Variants in CYBC1 observed in about 807,000 individuals in gnomAD.
The protein encoded by CYBC1 is essential for reactive oxygen species protein.
Under a neutral mutation model 21.7 loss-of-function variants are expected in CYBC1, and 22 were observed. That is an observed-to-expected ratio of 1.02 (90% CI 0.73 to 1.45). The LOEUF (loss-of-function observed/expected upper bound fraction) is 1.45. CYBC1 is among the 40% of genes most tolerant of loss of function. CYBC1 has a pLI of 0.00. For missense variants in CYBC1, 237 were observed against 242.1 expected (o/e 0.98, Z 0.14); for synonymous variants, 112 against 98.7 (o/e 1.13, Z -0.80).
chr17:82,447,746 A>C, intron 2 of CYBC1, 125 bp from the exon 3 acceptor site: 1 of 844,746 alleles, frequency 1.2e-6, no homozygotes, highest in Non-Finnish European at 1.9e-6. Context: ...AGCTGTGGTC[A>C]GGGGTTACAG....
intron 3 of CYBC1, 34 bp downstream of exon 3, chr17:82,447,546 C>G: frequency 1.3e-6 from 2 of 1,497,642 alleles, no homozygotes; most frequent in East Asian, 2.3e-5. Flanking sequence ...ACAGCTGAGA[C>G]AGTCATGGGG....
Position 82,443,805 on chromosome 17 carries a change from G to A in CYBC1, c.*199C>T, listed in dbSNP as rs760479168. On this transcript the variant is annotated 3_prime_UTR_variant, in exon 7 of 7. Coordinates refer to ENST00000306645, the MANE Select transcript of CYBC1 (RefSeq NM_001033046.4). The surrounding 1 kb of genome is among the most constrained non-coding windows in gnomAD (Gnocchi z 6.7). ...GGCGGTGCACGGGCTCAGGCACACC[G>A]GGAATGTGCCACGGGTCCTGTGGGC... 10 of 797,232 alleles carry A rather than the reference G, an allele frequency of 1.3e-5. No homozygotes were observed. The highest frequency in any genetic ancestry group is 2.4e-5 in the East Asian group (1 of 41,242). The allele number at this position is 797,232 out of a possible 1,614,324, so 49.4% of individuals were successfully genotyped here.
chr17:82,449,646 T>TG (rs2054480954), intron 1 of CYBC1: 1 of 197,846 alleles, frequency 5.1e-6, no homozygotes, highest in Non-Finnish European at 1.0e-5. Context: ...TTCTAGCATC[T>TG]GTGGGCACCC....
intron 1 of CYBC1, chr17:82,449,873 C>G (rs1013362532): frequency 1.3e-5 from 2 of 152,422 alleles, no homozygotes; most frequent in Non-Finnish European, 2.9e-5. Context: ...GAGTTCCGCA[C>G]GGGCGCAGCA....
intron 5 of CYBC1, chr17:82,445,662 G>A: frequency 1.9e-6 from 1 of 536,718 alleles, no homozygotes; most frequent in South Asian, 2.0e-5. Context: ...GAGGCTCTAG[G>A]ACCCTGCTGA....
chr17:82,443,563 T>A lies in CYBC1; in HGVS notation c.*441A>T. On this transcript the variant is annotated 3_prime_UTR_variant, in exon 7 of 7. Transcript: ENST00000306645. The surrounding 1 kb of genome is among the most constrained non-coding windows in gnomAD (Gnocchi z 6.7). ...CACAAGGGCCCGGCCTGGCCCCGCC[T>A]CTCCACTCGCCCGAGGTCTTGCTGT... 13 of 694,706 alleles carry A rather than the reference T, an allele frequency of 1.9e-5. No individual in the cohort carries two copies. Among genetic ancestry groups the A allele is most frequent in the African/African-American group, 3.5e-5 (2 of 57,054 alleles). The allele number at this position is 694,706 out of a possible 1,614,324, so 43.0% of individuals were successfully genotyped here. A position where few individuals can be genotyped will look rare whatever the true frequency, so the allele number is the denominator to read the frequency against.
chr17:82,444,821 TG>T, intron 5 of CYBC1: 1 of 543,462 alleles, frequency 1.8e-6, no homozygotes, highest in South Asian at 2.5e-5. Flanking sequence ...GCGGGTCACA[TG>T]CACAGCCCGC....
chr17:82,446,790 G>A (rs2054320917), intron 3 of CYBC1, 94 bp from the exon 4 acceptor site: 1 of 1,305,940 alleles, frequency 7.7e-7, no homozygotes, highest in African/African-American at 1.5e-5. Flanking sequence ...GCTGGCCAGA[G>A]CCCACGCTTG....
chr17:82,445,899 T>A lies in CYBC1; in HGVS notation c.263A>T (p.Lys88Met), dbSNP rs1567909745. 6.2e-7 allele frequency: 1 copy of A among 1,613,430 alleles called. No homozygotes were observed. The highest frequency in any genetic ancestry group is 1.7e-5 in the Admixed American group (1 of 59,904). The change falls in exon 5 of 7, where the codon AAG becomes ATG. Residue 88 changes from lysine to methionine, a missense_variant. Physicochemically the swap from Lys to Met is moderately conservative, Grantham distance 95 (BLOSUM62 -1). Transcript: ENST00000306645. ...GCCAGCTCTGAAAAGAGTCAGCAGC[T>A]TCTTGTAGAGGCTGAACGTCTTCAA... is the stretch of plus-strand genomic sequence containing the variant. ...VVLKTFSLYK[K>M]LLTLFRAGHD...
rs201461354 is a variant in CYBC1, at chr17:82,446,610, G to C, written c.201+13C>G. ...CAGCCCTGGACTCTGTCCCGCACCC[G>C]AGCCGGCCTTACCTCCCAGTCCTCC... On this transcript the variant is annotated intron_variant, in intron 4 of 6. Transcript: ENST00000306645. 7.0e-5 allele frequency: 113 copies of C among 1,613,760 alleles called. No homozygotes were observed. Among genetic ancestry groups the C allele is most frequent in the African/African-American group, 1.3e-5 (1 of 74,904 alleles).
rs1171741865 is a variant in CYBC1 at position 82,446,062 on chromosome 17, G to A, written c.202-102C>T. 3.4e-6 allele frequency: 3 copies of A among 871,508 alleles called. No homozygotes were observed. In the East Asian group the frequency reaches 7.9e-5, roughly 23 times the overall value. 54.0% of individuals were successfully genotyped at this position (871,508 alleles called of 1,614,324 possible). ...CCTCACCAGGGTGGACACTCAAGAA[G>A]GGGGGCTGGGGACCCTCCCAGTCAG... On this transcript the variant is annotated intron_variant, in intron 4 of 6. Coordinates refer to ENST00000306645, the MANE Select transcript of CYBC1 (RefSeq NM_001033046.4).
At position 82,443,501 on chromosome 17, in the gene CYBC1, G is replaced by C. The variant is rs1377564292; in HGVS notation, c.*503C>G. 1 of 697,134 alleles carries C rather than the reference G, an allele frequency of 1.4e-6. No individual in the cohort carries two copies. The highest frequency in any genetic ancestry group is 1.7e-5 in the African/African-American group (1 of 57,168). The allele number at this position is 697,134 out of a possible 1,614,324, so 43.2% of individuals were successfully genotyped here. A position where few individuals can be genotyped will look rare whatever the true frequency, so the allele number is the denominator to read the frequency against. The stretch of plus-strand genomic sequence containing the variant: ...CCGCTGGGGATGTCCACCAGGGAGA[G>C]GACGCTGTGTCGGGGACAACATGCA... On this transcript the variant is annotated 3_prime_UTR_variant, in exon 7 of 7. Transcript: ENST00000306645. This position sits in a 1 kb window ranked among gnomAD's most constrained non-coding sequence, Gnocchi z 6.7.
chr17:82,444,913 C>A, intron 5 of CYBC1: 1 of 252,910 alleles, frequency 4.0e-6, no homozygotes. Flanking sequence ...CCAGGTCTCC[C>A]CAAGGTTGGC....
chr17:82,444,099 T>C lies in CYBC1; in HGVS notation c.469A>G (p.Ile157Val), dbSNP rs140054862. The change falls in exon 7 of 7, where the codon ATC (isoleucine) becomes GTC (valine). Residue 157 changes from isoleucine (I) to valine (V), a missense_variant. Physicochemically the swap from Ile to Val is conservative, Grantham distance 29. Coordinates refer to ENST00000306645, the MANE Select transcript of CYBC1 (RefSeq NM_001033046.4). ...CAGTGCAGCTCCAGGAAGCTGGTGA[T>C]GAGCTTGGCGATGGCTTCCACATCA... ...RSDVEAIAKL[I>V]TSFLELHCLE... 274 of 1,612,596 alleles carry C rather than the reference T, an allele frequency of 1.7e-4. No individual in the cohort carries two copies. The African/African-American group carries it at 2.1e-3, about 13-fold the overall frequency.
chr17:82,447,031 T>G (rs140685852), intron 3 of CYBC1: 115 of 406,794 alleles, frequency 2.8e-4, no homozygotes, highest in Non-Finnish European at 2.6e-4. Context: ...CCGGGAATAT[T>G]TGATGACCCA....
At chr17:82,447,038 C>T (rs953213811) in intron 3 of CYBC1, 28 of 396,486 alleles carry the variant, frequency 7.1e-5, no homozygotes, top group African/African-American at 3.3e-4. Flanking sequence ...TATTTGATGA[C>T]CCAAAAACAC....
chr17:82,447,743 G>A, intron 2 of CYBC1, 122 bp from the exon 3 acceptor site: 1 of 885,600 alleles, frequency 1.1e-6, no homozygotes, highest in Non-Finnish European at 1.8e-6. Flanking sequence ...AACAGCTGTG[G>A]TCAGGGGTTA....
chr17:82,450,231 G>C (rs2054512839), intron 1 of CYBC1: 1 of 152,264 alleles, frequency 6.6e-6, no homozygotes, highest in Non-Finnish European at 1.5e-5. Flanking sequence ...GCAGTGAGCA[G>C]AAATCGTGCC....
rs369177558 is a variant in CYBC1 at position 82,444,628 on chromosome 17, C to A, written c.299-37G>T. ...CGGTCAGTGGCCGAGCCATCCCCGCCCACACATGCTGCCCGGCAGTCGCAC... is the reference window on the plus strand; with the variant it reads ...CGGTCAGTGGCCGAGCCATCCCCGCACACACATGCTGCCCGGCAGTCGCAC... On this transcript the variant is annotated intron_variant, in intron 5 of 6. Coordinates refer to ENST00000306645, the MANE Select transcript of CYBC1 (RefSeq NM_001033046.4). The A allele has an allele frequency of 1.9e-6, 3 of 1,565,328 alleles. No individual in the cohort carries two copies. The Admixed American group carries it at 5.3e-5, about 27-fold the overall frequency.
Sources: gnomAD v4.1 joint callset for allele counts on GRCh38, gnomAD v4.1.1 for gene constraint, Gnocchi (gnomAD v3.1) non-coding constraint, MANE v1.5 for transcripts, NCBI Gene and HGNC (gene_info 2026-07-23, HGNC 2026-07-21) for gene names.